Variants in NUSAP1 observed in about 807,000 individuals in gnomAD.
The protein encoded by NUSAP1 is nucleolar and spindle associated protein 1, also known as nucleolar and spindle-associated protein 1.
A neutral mutation model predicts 52.8 loss-of-function variants in NUSAP1; 32 were observed. The observed-to-expected ratio is 0.61, with a 90% confidence interval of 0.46 to 0.81. NUSAP1 has a LOEUF of 0.81. Among genes scored for constraint, NUSAP1 ranks in the 40% least tolerant of loss-of-function variants. The pLI, the probability that NUSAP1 is intolerant of heterozygous loss-of-function variation, is 0.00. For synonymous variants in NUSAP1, 195 were observed against 183.1 expected, an observed-to-expected ratio of 1.06 and a Z score of -0.52; for missense variants, 499 against 522.3, an observed-to-expected ratio of 0.96 and a Z score of 0.43.
At chr15:41,361,289 A>C (rs953408889) in intron 6 of NUSAP1, among the ~76,000 whole-genome samples, 1 of 151,952 alleles carries the variant, frequency 6.6e-6, no homozygotes, top group African/African-American at 2.4e-5. Flanking sequence ...GCTACTCGGG[A>C]GGCTGAGGCA....
At chr15:41,375,174 A>ATTTTTTTTT (rs56152606) in intron 8 of NUSAP1, among the ~76,000 whole-genome samples, 1 of 127,796 alleles carries the variant, frequency 7.8e-6, no homozygotes, top group African/African-American at 2.9e-5. Context: ...CGCCCAGCTA[A>ATTTTTTTTT]TTTTTTTTTT....
intron 10 of NUSAP1, 103 bp downstream of exon 10, chr15:41,377,407 A>G: frequency 1.6e-6 from 1 of 632,842 alleles, no homozygotes; most frequent in Middle Eastern, 3.6e-4. Context: ...GGAGGTTAGA[A>G]GTGGTATTAT....
intron 2 of NUSAP1, among the ~76,000 whole-genome samples, chr15:41,343,785 C>T (rs2048453777): frequency 6.6e-6 from 1 of 152,026 alleles, no homozygotes; most frequent in South Asian, 2.1e-4. Context: ...GCCACCGCAC[C>T]TGGCGTCAAA....
In NUSAP1 at chr15:41,341,423, G is replaced by C. The variant is rs374962217; in HGVS notation, c.94-963G>C. On this transcript the variant is annotated intron_variant, in intron 1 of 10. Coordinates refer to ENST00000559596, the MANE Select transcript of NUSAP1 (RefSeq NM_016359.5). Reference sequence around the variant, plus strand: ...AATCAAATTAACATTGTTCTTTCAGGAAAGAACAAGAAGGGAGGTTTTCCT... The same window carrying C: ...AATCAAATTAACATTGTTCTTTCAGCAAAGAACAAGAAGGGAGGTTTTCCT... 3.9e-5 allele frequency among the ~76,000 whole-genome samples: 6 copies of C among 152,172 alleles called. No individual in the cohort carries two copies. The East Asian group carries it at 7.7e-4, about 20-fold the overall frequency.
At chr15:41,348,886 G>T (rs2048679728) in intron 2 of NUSAP1, among the ~76,000 whole-genome samples, 1 of 150,500 alleles carries the variant, frequency 6.6e-6, no homozygotes, top group Non-Finnish European at 1.5e-5. Context: ...ACTCGCCTCG[G>T]TCTCCCAAAG....
chr15:41,352,197 C>T (rs181544295), intron 4 of NUSAP1, among the ~76,000 whole-genome samples: 1 of 152,134 alleles, frequency 6.6e-6, no homozygotes, highest in Non-Finnish European at 1.5e-5. Context: ...CCACCTCAGC[C>T]TCCCAAAGTG....
At chr15:41,375,256 C>T (rs2049877636) in intron 8 of NUSAP1, among the ~76,000 whole-genome samples, 1 of 150,592 alleles carries the variant, frequency 6.6e-6, no homozygotes, top group South Asian at 2.1e-4. Flanking sequence ...CAGCTCACCA[C>T]AACCTCCGCC....
At chr15:41,341,357 CTCAA>C (rs2048360820) in intron 1 of NUSAP1, among the ~76,000 whole-genome samples, 1 of 152,162 alleles carries the variant, frequency 6.6e-6, no homozygotes, top group Non-Finnish European at 1.5e-5. Flanking sequence ...AGCCACCCCG[CTCAA>C]CCAAACTTGA....
At chr15:41,361,100 CA>C (rs372017363) in intron 6 of NUSAP1, among the ~76,000 whole-genome samples, 6 of 141,808 alleles carry the variant, frequency 4.2e-5, no homozygotes, top group Non-Finnish European at 7.7e-5. Flanking sequence ...TCTCAAAAAA[CA>C]AAAAAAATAG....
intron 6 of NUSAP1, among the ~76,000 whole-genome samples, chr15:41,358,827 A>G (rs1262909520): frequency 2.0e-5 from 3 of 152,236 alleles, no homozygotes; most frequent in African/African-American, 4.8e-5. Flanking sequence ...TTTGCCTATT[A>G]CTTTCATTGA....
In NUSAP1 at chr15:41,371,582, G is replaced by C; in HGVS notation, c.904G>C (p.Ala302Pro). The change falls in exon 8 of 11, where the codon GCC becomes CCC. Residue 302 changes from alanine (A) to proline (P), a missense_variant. Physicochemically the swap from Ala to Pro is conservative, Grantham distance 27. Coordinates refer to ENST00000559596, the MANE Select transcript of NUSAP1 (RefSeq NM_016359.5). ...EHKRSLTKTP[A>P]RKSAHVTVSG... The stretch of plus-strand genomic sequence containing the variant: ...TAAGCGTTCACTGACCAAGACTCCA[G>C]CCAGAAAGTCTGCACATGTGACCGT... The C allele has an allele frequency of 6.2e-7, 1 of 1,611,220 alleles. No individual in the cohort carries two copies. Among genetic ancestry groups the C allele is most frequent in the African/African-American group, 1.3e-5 (1 of 74,710 alleles).
At chr15:41,355,291 G>GC (rs1437771928) in intron 4 of NUSAP1, among the ~76,000 whole-genome samples, 1 of 151,580 alleles carries the variant, frequency 6.6e-6, no homozygotes, top group Non-Finnish European at 1.5e-5. Flanking sequence ...TCCTGCCTCA[G>GC]CCTCCTGAGT....
chr15:41,335,784 ATATAC>A (rs1170087859), intron 1 of NUSAP1, among the ~76,000 whole-genome samples: 1 of 145,812 alleles, frequency 6.9e-6, no homozygotes, highest in East Asian at 1.9e-4. Flanking sequence ...AAATATACTA[ATATAC>A]TATATTATAC....
chr15:41,379,412 T>C (rs1158993246), intron 10 of NUSAP1, among the ~76,000 whole-genome samples: 1 of 152,176 alleles, frequency 6.6e-6, no homozygotes, highest in Non-Finnish European at 1.5e-5. Context: ...TCCTCCCACC[T>C]TGGCCTCCCA....
At chr15:41,374,090 A>G (rs2049822976) in intron 8 of NUSAP1, among the ~76,000 whole-genome samples, 1 of 152,178 alleles carries the variant, frequency 6.6e-6, no homozygotes, top group African/African-American at 2.4e-5. Context: ...ATTAATCTCA[A>G]TGGTTAGCTT....
At chr15:41,355,741 A>G (rs547440668) in intron 4 of NUSAP1, among the ~76,000 whole-genome samples, 1 of 151,134 alleles carries the variant, frequency 6.6e-6, no homozygotes, top group African/African-American at 2.4e-5. Flanking sequence ...CAGTTGCGCG[A>G]TCTCGGCTCA....
chr15:41,335,265 AT>A (rs1208527866), intron 1 of NUSAP1, among the ~76,000 whole-genome samples: 5 of 119,718 alleles, frequency 4.2e-5, no homozygotes, highest in African/African-American at 1.5e-4. Context: ...TTATACTAGT[AT>A]ATACTATATA....
Position 41,375,759 on chromosome 15 carries a change from T to C in NUSAP1, c.1054T>C (p.Ser352Pro). 6.2e-7 allele frequency: 1 copy of C among 1,613,960 alleles called. No homozygotes were observed. The highest frequency in any genetic ancestry group is 8.5e-7 in the Non-Finnish European group (1 of 1,179,860). ...LTTEATQTPV[S>P]NKKPVFDLKA... Reference sequence around the variant, plus strand: ...AACTGAGGCAACGCAGACTCCAGTCTCCAATAAGAAACCAGTGTTTGATCT... The same window carrying C: ...AACTGAGGCAACGCAGACTCCAGTCCCCAATAAGAAACCAGTGTTTGATCT... Residue 352 changes from serine (S) to proline (P), a missense_variant, in exon 9 of 11, where the codon TCC becomes CCC. Coordinates refer to ENST00000559596, the MANE Select transcript of NUSAP1 (RefSeq NM_016359.5).
At chr15:41,356,202 C>A in intron 5 of NUSAP1, 62 bp downstream of exon 5, 2 of 899,566 alleles carry the variant, frequency 2.2e-6, no homozygotes, top group Non-Finnish European at 3.6e-6. Flanking sequence ...TGATGTTGGA[C>A]TGTAACAGCT....
Sources: allele counts gnomAD v4.1 joint callset (sites outside exome capture counted in the v4.1 genomes callset), GRCh38; gene constraint gnomAD v4.1.1; transcripts MANE v1.5; gene names NCBI Gene and HGNC (gene_info 2026-07-23, HGNC 2026-07-21).